SRGAP3: variants seen among roughly 807,000 people sequenced by gnomAD.
SRGAP3 encodes SLIT-ROBO Rho GTPase activating protein 3.
In SRGAP3, 39 loss-of-function variants were observed where a neutral mutation model predicts 121.1. The observed-to-expected ratio is 0.32, with a 90% CI of 0.25 to 0.42. SRGAP3 has a LOEUF of 0.42. Ranked by LOEUF, SRGAP3 falls within the 10% of genes least tolerant of loss-of-function variation. SRGAP3 has a pLI of 1.00. For synonymous variants in SRGAP3, 601 were observed against 570.0 expected (o/e 1.05, Z -0.77); for missense variants, 1,213 against 1,470.6 (o/e 0.82, Z 2.86).
upstream of SRGAP3, among the ~76,000 whole-genome samples, chr3:9,252,237 A>T (rs1309720718): frequency 6.6e-6 from 1 of 152,148 alleles, no homozygotes; most frequent in African/African-American, 2.4e-5. Context: ...AGGCCTCATC[A>T]GAAGCCAAGC....
At chr3:9,114,533 G>A (rs1948737308) in intron 2 of SRGAP3, among the ~76,000 whole-genome samples, 1 of 152,134 alleles carries the variant, frequency 6.6e-6, no homozygotes, top group Non-Finnish European at 1.5e-5. Context: ...AATGATTCAC[G>A]GGCTCACTGC....
intron 1 of SRGAP3, among the ~76,000 whole-genome samples, chr3:9,224,472 C>T (rs1311184415): frequency 2.0e-5 from 3 of 152,210 alleles, no homozygotes; most frequent in Non-Finnish European, 4.4e-5. Flanking sequence ...CCCATGCAGA[C>T]TCCAGCATCT....
chr3:9,353,869 C>T (rs1373248897), intron 1 of SRGAP3, among the ~76,000 whole-genome samples: 4 of 152,134 alleles, frequency 2.6e-5, no homozygotes, highest in African/African-American at 9.7e-5. Context: ...CTTTCAATTA[C>T]ATCCCCACAG....
At chr3:9,120,982 A>G (rs570950865) in intron 2 of SRGAP3, among the ~76,000 whole-genome samples, 2 of 152,290 alleles carry the variant, frequency 1.3e-5, no homozygotes, top group East Asian at 3.9e-4. Flanking sequence ...TTAGGGAGAC[A>G]CGGCCCATGG....
At chr3:9,074,397 G>A (rs1173396720) in intron 4 of SRGAP3, among the ~76,000 whole-genome samples, 1 of 152,226 alleles carries the variant, frequency 6.6e-6, no homozygotes, top group Non-Finnish European at 1.5e-5. Context: ...TGGGCTCAGG[G>A]AGTTTGTGTG....
rs545716912 is a variant in SRGAP3 at position 9,015,798 on chromosome 3, C to T, written c.1679-67G>A. ...AGGAGTCAGAGAACGTGCAGATGGCCGAAGAGATGACCTGGTCCAGCCTGA... is the reference window on the plus strand; with the variant it reads ...AGGAGTCAGAGAACGTGCAGATGGCTGAAGAGATGACCTGGTCCAGCCTGA... On this transcript the variant is annotated intron_variant, in intron 14 of 21. Transcript: ENST00000383836. 1.4e-4 allele frequency: 225 copies of T among 1,598,802 alleles called. No homozygotes were observed. In the African/African-American group the frequency reaches 2.6e-3, roughly 18 times the overall value.
At chr3:9,293,227 C>T (rs887408401) in intron 3 of SRGAP3, 2 of 152,120 alleles carry the variant, frequency 1.3e-5, no homozygotes, top group Non-Finnish European at 2.9e-5. Flanking sequence ...AAAACAATGG[C>T]CTTTCCAGGG....
intron 1 of SRGAP3, among the ~76,000 whole-genome samples, chr3:9,232,244 C>T (rs1395524258): frequency 6.6e-6 from 1 of 152,210 alleles, no homozygotes; most frequent in Non-Finnish European, 1.5e-5. Flanking sequence ...TGAGCATCCT[C>T]TCTAGCAGGA....
chr3:9,132,972 T>A (rs1313966459), intron 1 of SRGAP3, among the ~76,000 whole-genome samples: 1 of 150,818 alleles, frequency 6.6e-6, no homozygotes, highest in African/African-American at 2.4e-5. Context: ...ATCGTGTGCA[T>A]CATTCCAGAA....
intron 3 of SRGAP3, among the ~76,000 whole-genome samples, chr3:9,256,329 C>A (rs1196364432): frequency 1.3e-5 from 2 of 152,220 alleles, no homozygotes; most frequent in African/African-American, 4.8e-5. Flanking sequence ...GTAAAGACTT[C>A]AAACACCCAA....
chr3:9,132,183 G>A (rs1414687339), intron 1 of SRGAP3, among the ~76,000 whole-genome samples: 1 of 152,074 alleles, frequency 6.6e-6, no homozygotes, highest in South Asian at 2.1e-4. Flanking sequence ...CCTCTCCACT[G>A]CACAGTTTCT....
chr3:9,353,432 A>C (rs2030306312), intron 1 of SRGAP3, among the ~76,000 whole-genome samples: 1 of 152,250 alleles, frequency 6.6e-6, no homozygotes, highest in African/African-American at 2.4e-5. Flanking sequence ...GTTCCTTTCC[A>C]AACGAATGAG....
At chr3:9,278,336 A>G (rs1420520187) in intron 3 of SRGAP3, among the ~76,000 whole-genome samples, 1 of 152,176 alleles carries the variant, frequency 6.6e-6, no homozygotes, top group Non-Finnish European at 1.5e-5. Flanking sequence ...AGCTGAGGCA[A>G]TTACTCTCCA....
chr3:9,054,773 C>T (rs1222722933), intron 8 of SRGAP3, among the ~76,000 whole-genome samples: 3 of 152,192 alleles, frequency 2.0e-5, no homozygotes, highest in Non-Finnish European at 4.4e-5. Context: ...TGCTATGGTG[C>T]GTTGTGTTTG....
At chr3:9,238,733 G>A (rs1188860530) in intron 1 of SRGAP3, among the ~76,000 whole-genome samples, 3 of 152,214 alleles carry the variant, frequency 2.0e-5, no homozygotes, top group Non-Finnish European at 4.4e-5. Context: ...CACCAGGGGA[G>A]AAGCAAGTGT....
At chr3:9,315,238 C>T (rs571369192) in intron 3 of SRGAP3, among the ~76,000 whole-genome samples, 4 of 152,356 alleles carry the variant, frequency 2.6e-5, no homozygotes, top group Admixed American at 2.6e-4. Flanking sequence ...CTGCACCTCC[C>T]ACCCAACCTT....
intron 2 of SRGAP3, among the ~76,000 whole-genome samples, chr3:9,329,646 G>A (rs939732670): frequency 1.3e-5 from 2 of 152,190 alleles, no homozygotes; most frequent in African/African-American, 2.4e-5. Context: ...GCAGGGTGCG[G>A]AAGGTGAAGA....
intron 5 of SRGAP3, 132 bp downstream of exon 5, chr3:9,064,264 A>T (rs1946314597): frequency 8.1e-7 from 1 of 1,233,012 alleles, no homozygotes; most frequent in Non-Finnish European, 1.1e-6. Context: ...ACATTGTCCC[A>T]TCCCCCCTAC....
chr3:9,159,831 C>T (rs1202276434), intron 1 of SRGAP3, among the ~76,000 whole-genome samples: 1 of 152,140 alleles, frequency 6.6e-6, no homozygotes, highest in African/African-American at 2.4e-5. Context: ...AATACTGTCA[C>T]CCTGCCCGTT....
Sources: gnomAD v4.1 joint callset for allele counts (sites outside exome capture counted in the v4.1 genomes callset) on GRCh38, gnomAD v4.1.1 for gene constraint, MANE v1.5 for transcripts, NCBI Gene and HGNC (gene_info 2026-07-23, HGNC 2026-07-21) for gene names.